Variants in RITA1 observed in about 807,000 individuals in gnomAD.
The protein encoded by RITA1 is RBPJ interacting and tubulin associated 1.
RITA1 carries 15 observed loss-of-function variants against 8.7 expected under a neutral mutation model. That is an observed-to-expected ratio of 1.72 (90% CI 1.15 to 2.65). The LOEUF (loss-of-function observed/expected upper bound fraction) is 2.65, where lower values mean the gene tolerates loss of function less well. Among genes scored for constraint, RITA1 ranks in the 30% most tolerant of loss-of-function variants. The pLI, the probability that RITA1 is intolerant of heterozygous loss-of-function variation, is 0.00. For synonymous variants in RITA1, 145 were observed against 156.2 expected (o/e 0.93, Z 0.53); for missense variants, 330 against 363.8 (o/e 0.91, Z 0.76).
At chr12:113,188,786 C>CTTTTTTTTTTTT (rs1566105385) in intron 3 of RITA1, among the ~76,000 whole-genome samples, 3 of 64,258 alleles carry the variant, frequency 4.7e-5, no homozygotes, top group Admixed American at 1.9e-4. Context: ...GCCTTAGTTA[C>CTTTTTTTTTTTT]CTTTTTTTTT....
intron 3 of RITA1, among the ~76,000 whole-genome samples, chr12:113,189,044 A>G (rs546341925): frequency 3.3e-5 from 5 of 151,710 alleles, no homozygotes; most frequent in Non-Finnish European, 5.9e-5. Flanking sequence ...TCCTGAGCTC[A>G]AGTCGTTCTC....
At position 113,191,874 on chromosome 12, in the gene RITA1, G is replaced by A; in HGVS notation, c.*57G>A. On this transcript the variant is annotated 3_prime_UTR_variant, in exon 4 of 4. Coordinates refer to ENST00000548278, the MANE Select transcript of RITA1 (RefSeq NM_032848.3). The surrounding 1 kb of genome is among the most constrained non-coding windows in gnomAD (Gnocchi z 4.0). ...CGGCGACAGGTATGGCCCCTTGCCA[G>A]GGTAGGAGGACATTCATCACCCAGG... 6.6e-7 allele frequency: 1 copy of A among 1,520,160 alleles called. No homozygotes were observed. The highest frequency in any genetic ancestry group is 8.8e-7 in the Non-Finnish European group (1 of 1,134,346). 94.2% of individuals were successfully genotyped at this position (1,520,160 alleles called of 1,614,324 possible). A position where few individuals can be genotyped will look rare whatever the true frequency, so the allele number is the denominator to read the frequency against.
chr12:113,191,046 G>A lies in RITA1; in HGVS notation c.303-264G>A, dbSNP rs565239934. Among the ~76,000 whole-genome samples, 2 of 152,200 alleles carry A rather than the reference G, an allele frequency of 1.3e-5. No homozygotes were observed. Among genetic ancestry groups the A allele is most frequent in the African/African-American group, 4.8e-5 (2 of 41,446 alleles). On this transcript the variant is annotated intron_variant, in intron 3 of 3. Transcript: ENST00000548278. The surrounding 1 kb of genome is among the most constrained non-coding windows in gnomAD (Gnocchi z 4.0). ...GCCAGGAGGATGGAATATGCAAATTGTCCAGGCCTGGGGCACATGTCTGGG... is the reference window on the plus strand; with the variant it reads ...GCCAGGAGGATGGAATATGCAAATTATCCAGGCCTGGGGCACATGTCTGGG...
At position 113,188,787 on chromosome 12, in the gene RITA1, C is replaced by CTT. The variant is rs760372956; in HGVS notation, c.302+1779_302+1780dup. Reference sequence around the variant, plus strand: ...TATAATGTTATTTAGCCTTAGTTACCTTTTTTTTTTTTTTTTTTTTTTTTT... The same window carrying CTT: ...TATAATGTTATTTAGCCTTAGTTACCTTTTTTTTTTTTTTTTTTTTTTTTTTT... On this transcript the variant is annotated intron_variant, in intron 3 of 3. Transcript: ENST00000548278. 1.6e-4 allele frequency among the ~76,000 whole-genome samples: 12 copies of CTT among 73,202 alleles called. 4 individuals are homozygous for CTT. The highest frequency in any genetic ancestry group is 2.9e-4 in the African/African-American group (5 of 17,194). The allele number at this position is 73,202 out of a possible 152,430, so 48.0% of individuals were successfully genotyped here. A position where few individuals can be genotyped will look rare whatever the true frequency, so the allele number is the denominator to read the frequency against.
Position 113,186,894 on chromosome 12 carries a change from C to A in RITA1, c.148C>A (p.Pro50Thr). ...GSPAGTRPTP[P>T]DFDPPWVEKA... ...CCCAGCAGGCACCCGGCCTACCCCACCGGACTTCGATCCGCCCTGGGTGGA... is the reference window on the plus strand; with the variant it reads ...CCCAGCAGGCACCCGGCCTACCCCAACGGACTTCGATCCGCCCTGGGTGGA... The change falls in exon 3 of 4, where the codon CCG becomes ACG. Residue 50 changes from proline to threonine, a missense_variant. By Grantham distance (38) the Pro-to-Thr change is conservative. Coordinates refer to ENST00000548278, the MANE Select transcript of RITA1 (RefSeq NM_032848.3). The A allele has an allele frequency of 6.2e-7, 1 of 1,614,134 alleles. No homozygotes were observed. The highest frequency in any genetic ancestry group is 8.5e-7 in the Non-Finnish European group (1 of 1,180,022).
chr12:113,187,573 C>T (rs909101880), intron 3 of RITA1, among the ~76,000 whole-genome samples: 3 of 151,666 alleles, frequency 2.0e-5, no homozygotes, highest in African/African-American at 4.9e-5. Flanking sequence ...GCCTGGGCAG[C>T]GTGGTGAAAC....
rs1376340944 is a variant in RITA1 at position 113,186,026 on chromosome 12, G to A, written c.-197+5G>A. The A allele has an allele frequency of 1.3e-6, 2 of 1,535,894 alleles. No homozygotes were observed. The highest frequency in any genetic ancestry group is 2.4e-5 in the East Asian group (1 of 40,930). On this transcript the variant is annotated splice_donor_5th_base_variant and intron_variant, in intron 1 of 3. Coordinates refer to ENST00000548278, the MANE Select transcript of RITA1 (RefSeq NM_032848.3). Reference sequence around the variant, plus strand: ...CCTACGAGCCAAGATGCTCAGGTAGGAGAACAACCCAAAAATGCAGGGACC... The same window carrying A: ...CCTACGAGCCAAGATGCTCAGGTAGAAGAACAACCCAAAAATGCAGGGACC...
At position 113,191,744 on chromosome 12, in the gene RITA1, C is replaced by A; in HGVS notation, c.737C>A (p.Ser246Ter). ...CCCCTGGTGACTTCCAGGGCTCGCT[C>A]AGTTAGCATTTCAGTGCCATCTACC... ...RSPLVTSRAR[S>*]VSISVPSTPR... is the part of the protein sequence containing the mutation. The change falls in exon 4 of 4, where the codon TCA becomes TAA. Residue 246 changes from serine to a stop codon, truncating the protein, a stop_gained. Transcript: ENST00000548278. LOFTEE classifies it high-confidence loss of function. The surrounding 1 kb of genome is among the most constrained non-coding windows in gnomAD (Gnocchi z 4.0). The A allele has an allele frequency of 1.9e-6, 3 of 1,613,958 alleles. No individual in the cohort carries two copies. Among genetic ancestry groups the A allele is most frequent in the Non-Finnish European group, 2.5e-6 (3 of 1,179,994 alleles).
At position 113,185,844 on chromosome 12, in the gene RITA1, C is replaced by G; in HGVS notation, c.-374C>G. 2.3e-6 allele frequency: 2 copies of G among 880,342 alleles called. No individual in the cohort carries two copies. The highest frequency in any genetic ancestry group is 3.4e-6 in the Non-Finnish European group (2 of 593,046). 54.5% of individuals were successfully genotyped at this position (880,342 alleles called of 1,614,324 possible). The stretch of plus-strand genomic sequence containing the variant: ...GGTGAGTCCGTCCGCGCGCGGTGCC[C>G]CGGGACGGCCTAGGCTGCCGGGGGT... On this transcript the variant is annotated 5_prime_UTR_variant, in exon 1 of 4. Coordinates refer to ENST00000548278, the MANE Select transcript of RITA1 (RefSeq NM_032848.3).
intron 3 of RITA1, among the ~76,000 whole-genome samples, chr12:113,188,497 G>A (rs191658421): frequency 1.1e-4 from 16 of 152,062 alleles, no homozygotes; most frequent in South Asian, 4.2e-4. Context: ...ATGAGCCACC[G>A]CGCCTGGCCA....
In RITA1 at chr12:113,186,205, C is replaced by A; in HGVS notation, c.-176C>A. 2 of 1,322,808 alleles carry A rather than the reference C, an allele frequency of 1.5e-6. No homozygotes were observed. Among genetic ancestry groups the A allele is most frequent in the Non-Finnish European group, 2.0e-6 (2 of 985,810 alleles). 81.9% of individuals were successfully genotyped at this position (1,322,808 alleles called of 1,614,324 possible). A position where few individuals can be genotyped will look rare whatever the true frequency, so the allele number is the denominator to read the frequency against. On this transcript the variant is annotated 5_prime_UTR_variant, in exon 2 of 4. Transcript: ENST00000548278. ...TTTAGCTTTATAGGTGTGACCTACACATGTGACTTCACCTCAGTTTTGTGA... is the reference window on the plus strand; with the variant it reads ...TTTAGCTTTATAGGTGTGACCTACAAATGTGACTTCACCTCAGTTTTGTGA...
intron 3 of RITA1, 117 bp downstream of exon 3, chr12:113,187,165 AG>A: frequency 1.8e-6 from 2 of 1,106,736 alleles, no homozygotes; most frequent in Non-Finnish European, 2.5e-6. Context: ...TCTCTGAGCC[AG>A]TTTACTCATG....
At chr12:113,186,355 C>A in intron 2 of RITA1, 39 bp downstream of exon 2, 1 of 1,378,542 alleles carries the variant, frequency 7.3e-7, no homozygotes, top group Non-Finnish European at 9.4e-7. Flanking sequence ...TTGCCCCCAC[C>A]CCCATCAGTA....
intron 2 of RITA1, 77 bp downstream of exon 2, chr12:113,186,393 C>T (rs1952536833): frequency 4.4e-6 from 6 of 1,372,636 alleles, no homozygotes; most frequent in Non-Finnish European, 1.9e-6. Context: ...GTCTCCCCTA[C>T]CACCATAGTG....
chr12:113,191,761 C>T lies in RITA1; in HGVS notation c.754C>T (p.Pro252Ser), dbSNP rs1952608412. 7.4e-6 allele frequency: 12 copies of T among 1,613,082 alleles called. No individual in the cohort carries two copies. Among genetic ancestry groups the T allele is most frequent in the African/African-American group, 1.3e-5 (1 of 74,906 alleles). The change falls in exon 4 of 4, where the codon CCA becomes TCA. Residue 252 changes from proline (P) to serine (S), a missense_variant. Transcript: ENST00000548278. This position sits in a 1 kb window ranked among gnomAD's most constrained non-coding sequence, Gnocchi z 4.0. ...GGCTCGCTCAGTTAGCATTTCAGTG[C>T]CATCTACCCCACGACGAGGTGGGGC... is the stretch of plus-strand genomic sequence containing the variant. ...SRARSVSISV[P>S]STPRRGGATQ...
At position 113,188,787 on chromosome 12, in the gene RITA1, C is replaced by CTTTTTTTTTTTTTT. The variant is rs760372956; in HGVS notation, c.302+1767_302+1780dup. Among the ~76,000 whole-genome samples the CTTTTTTTTTTTTTT allele has an allele frequency of 4.1e-5, 3 of 73,206 alleles. 1 individual carries two copies. Among genetic ancestry groups the CTTTTTTTTTTTTTT allele is most frequent in the Non-Finnish European group, 2.6e-5 (1 of 38,238 alleles). The allele number at this position is 73,206 out of a possible 152,430, so 48.0% of individuals were successfully genotyped here. A position where few individuals can be genotyped will look rare whatever the true frequency, so the allele number is the denominator to read the frequency against. On this transcript the variant is annotated intron_variant, in intron 3 of 3. Coordinates refer to ENST00000548278, the MANE Select transcript of RITA1 (RefSeq NM_032848.3). ...TATAATGTTATTTAGCCTTAGTTAC[C>CTTTTTTTTTTTTTT]TTTTTTTTTTTTTTTTTTTTTTTTT...
At chr12:113,188,787 CTTTTTTTTTTTTTTTTTTTT>C (rs760372956) in intron 3 of RITA1, among the ~76,000 whole-genome samples, 63 of 73,188 alleles carry the variant, frequency 8.6e-4, no homozygotes, top group African/African-American at 2.4e-3. Flanking sequence ...CCTTAGTTAC[CTTTTTTTTTTTTTTTTTTTT>C]TTTTTTTTTT....
chr12:113,186,377 G>A (rs1952536566), intron 2 of RITA1, 61 bp downstream of exon 2: 1 of 1,365,076 alleles, frequency 7.3e-7, no homozygotes, highest in Non-Finnish European at 9.4e-7. Context: ...ACATAGGAAA[G>A]TGCCTGTCTC....
Position 113,185,949 on chromosome 12 carries a change from T to C in RITA1, c.-269T>C. 3.3e-6 allele frequency: 5 copies of C among 1,534,330 alleles called. No individual in the cohort carries two copies. Among genetic ancestry groups the C allele is most frequent in the Non-Finnish European group, 4.4e-6 (5 of 1,145,580 alleles). ...GCGCCCCCGCGCCCTCACCGACGGG[T>C]CCAGACCTGGTGGGAAGAAGGTGCG... On this transcript the variant is annotated 5_prime_UTR_variant, in exon 1 of 4. Coordinates refer to ENST00000548278, the MANE Select transcript of RITA1 (RefSeq NM_032848.3).
Sources: gnomAD v4.1 joint callset for allele counts (sites outside exome capture counted in the v4.1 genomes callset) on GRCh38, gnomAD v4.1.1 for gene constraint, Gnocchi (gnomAD v3.1) non-coding constraint, MANE v1.5 for transcripts, NCBI Gene and HGNC (gene_info 2026-07-23, HGNC 2026-07-21) for gene names.